FAM53A: variants seen among roughly 807,000 people sequenced by gnomAD.
The protein encoded by FAM53A is protein FAM53A.
In FAM53A, 28 loss-of-function variants were observed where a neutral mutation model predicts 26.6. The observed-to-expected ratio is 1.05, with a 90% CI of 0.78 to 1.45. The LOEUF (loss-of-function observed/expected upper bound fraction) is 1.45. Among genes scored for constraint, FAM53A ranks in the 40% most tolerant of loss-of-function variants. The pLI is 0.00. For synonymous variants in FAM53A, 290 were observed against 253.1 expected, an observed-to-expected ratio of 1.15 and a Z score of -1.38; for missense variants, 650 against 575.8, an observed-to-expected ratio of 1.13 and a Z score of -1.32.
intron 1 of FAM53A, among the ~76,000 whole-genome samples, chr4:1,626,674 C>A (rs1007222007): frequency 4.2e-4 from 64 of 151,762 alleles, no homozygotes; most frequent in Admixed American, 2.3e-3. Flanking sequence ...CCCGGGGGGA[C>A]CCGGGGAGGA....
the FAM53A span, among the ~76,000 whole-genome samples, chr4:1,610,696 G>T: frequency 6.6e-6 from 1 of 152,064 alleles, no homozygotes; most frequent in Admixed American, 6.5e-5. Context: ...CACCCCAGCT[G>T]GGCAGGCGGC....
At chr4:1,592,601 G>A in the FAM53A span, among the ~76,000 whole-genome samples, 2 of 152,170 alleles carry the variant, frequency 1.3e-5, no homozygotes, top group Admixed American at 1.3e-4. Flanking sequence ...CCCCTGCCCA[G>A]CCCCTCTCCT....
the FAM53A span, among the ~76,000 whole-genome samples, chr4:1,577,913 C>CTGCAGGTGAGGGGCTGCGGGGG: frequency 1.4e-5 from 2 of 144,678 alleles, no homozygotes; most frequent in East Asian, 2.1e-4. Flanking sequence ...GGGTCGGGGG[C>CTGCAGGTGAGGGGCTGCGGGGG]TGCAGGTGAG....
chr4:1,613,661 A>G (rs1452467617), downstream of FAM53A, among the ~76,000 whole-genome samples: 1 of 152,188 alleles, frequency 6.6e-6, no homozygotes, highest in Non-Finnish European at 1.5e-5. Context: ...CCAACAGTGT[A>G]CCTTAAGTGA....
intron 4 of FAM53A, among the ~76,000 whole-genome samples, chr4:1,643,327 G>A (rs1018728891): frequency 1.1e-4 from 16 of 151,932 alleles, no homozygotes; most frequent in South Asian, 2.1e-4. Context: ...TTAACCAGGC[G>A]TGGTGGCGGG....
downstream of FAM53A, among the ~76,000 whole-genome samples, chr4:1,616,506 A>G (rs900235639): frequency 6.6e-6 from 1 of 152,230 alleles, no homozygotes; most frequent in Non-Finnish European, 1.5e-5. Context: ...TGGGTGTCAC[A>G]GCGAGACTCC....
intron 4 of FAM53A, among the ~76,000 whole-genome samples, chr4:1,651,700 G>T (rs1257434099): frequency 7.5e-6 from 1 of 132,842 alleles, no homozygotes; most frequent in Non-Finnish European, 1.7e-5. Flanking sequence ...GGTGACCAGC[G>T]CTTGCATGGA....
intron 1 of FAM53A, among the ~76,000 whole-genome samples, chr4:1,621,101 CTTTTTT>C (rs574102929): frequency 3.1e-5 from 3 of 95,488 alleles, no homozygotes; most frequent in African/African-American, 4.1e-5. Flanking sequence ...AGCTACGCTA[CTTTTTT>C]TTTTTTTTTT....
At chr4:1,632,530 G>A (rs939188364) in intron 1 of FAM53A, among the ~76,000 whole-genome samples, 13 of 152,254 alleles carry the variant, frequency 8.5e-5, no homozygotes, top group East Asian at 3.9e-4. Context: ...TCACATGACC[G>A]TCTCAACAGA....
At chr4:1,666,445 A>G (rs1276393929) in intron 2 of FAM53A, among the ~76,000 whole-genome samples, 2 of 152,176 alleles carry the variant, frequency 1.3e-5, no homozygotes, top group Non-Finnish European at 1.5e-5. Flanking sequence ...GCTGAAAAAA[A>G]AAGAGGTGAA....
chr4:1,576,927 A>G, the FAM53A span, among the ~76,000 whole-genome samples: 2 of 152,200 alleles, frequency 1.3e-5, no homozygotes, highest in African/African-American at 2.4e-5. Flanking sequence ...GGGGTGAGTC[A>G]GAGCTTAGTT....
the FAM53A span, among the ~76,000 whole-genome samples, chr4:1,606,247 G>A: frequency 2.7e-5 from 4 of 150,924 alleles, no homozygotes; most frequent in Non-Finnish European, 2.9e-5. Context: ...GGGTTTCACC[G>A]TGTTAGCCAG....
At chr4:1,587,008 T>C in the FAM53A span, among the ~76,000 whole-genome samples, 3 of 152,242 alleles carry the variant, frequency 2.0e-5, no homozygotes, top group Admixed American at 6.5e-5. Flanking sequence ...GGGTGACTTT[T>C]TACAACCCGT....
At chr4:1,615,761 C>T (rs1004201322), downstream of FAM53A, among the ~76,000 whole-genome samples, 1 of 152,250 alleles carries the variant, frequency 6.6e-6, no homozygotes, top group Non-Finnish European at 1.5e-5. Context: ...TTGGGGGTTG[C>T]CACTTTATCA....
chr4:1,641,377 G>T lies in FAM53A; in HGVS notation c.1113C>A (p.Pro371=). 1 of 1,610,686 alleles carries T rather than the reference G, an allele frequency of 6.2e-7. No homozygotes were observed. ...CCTCCCCGACACTGTCCCCATCACG[G>T]GGGTCCCCGCTGCTCCTGCGGGAGC... The part of the protein sequence containing the change: ...SDGSRRSSGD[P]RDGDSVGEEG... Residue 371 remains proline (P), a synonymous_variant, in exon 5 of 5, where the codon CCC becomes CCA. Transcript: ENST00000308132.
chr4:1,682,508 G>A (rs997433567), intron 1 of FAM53A, among the ~76,000 whole-genome samples: 2 of 151,982 alleles, frequency 1.3e-5, no homozygotes, highest in South Asian at 2.1e-4. Context: ...TGATCTGCCC[G>A]CCTCGGCCTC....
exon 2 of FAM53A, chr4:1,618,067 G>T (rs534029763): frequency 2.2e-6 from 1 of 456,370 alleles, no homozygotes; most frequent in South Asian, 1.5e-5. Context: ...GGAGGGCCGT[G>T]CTATGTCATG....
Position 1,641,428 on chromosome 4 carries a change from G to C in FAM53A, c.1062C>G (p.Ala354=). Reference sequence around the variant, plus strand: ...CATCACTGGTCACCGACTCCCTAGAGGCCCACAGGTTGGGGTGGACAGGGC... The same window carrying C: ...CATCACTGGTCACCGACTCCCTAGACGCCCACAGGTTGGGGTGGACAGGGC... ...RTSPVHPNLW[A]SRESVTSDGS... The change falls in exon 5 of 5, where the codon GCC becomes GCG. Residue 354 remains alanine, a synonymous_variant. Coordinates refer to ENST00000308132, the MANE Select transcript of FAM53A (RefSeq NM_001174070.3). The C allele has an allele frequency of 3.1e-6, 5 of 1,613,230 alleles. No homozygotes were observed. Among genetic ancestry groups the C allele is most frequent in the Non-Finnish European group, 4.2e-6 (5 of 1,179,678 alleles).
the FAM53A span, among the ~76,000 whole-genome samples, chr4:1,603,369 C>T: frequency 6.6e-6 from 1 of 152,234 alleles, no homozygotes; most frequent in Non-Finnish European, 1.5e-5. Flanking sequence ...CGGCTCCCCT[C>T]TGCAGGGCAG....
Sources: allele counts gnomAD v4.1 joint callset (sites outside exome capture counted in the v4.1 genomes callset), GRCh38; gene constraint gnomAD v4.1.1; transcripts MANE v1.5; gene names NCBI Gene and HGNC (gene_info 2026-07-23, HGNC 2026-07-21).